The following LMAN1 variants were observed in gnomAD, a reference collection of about 807,000 sequenced individuals.
LMAN1 encodes protein ERGIC-53.
In LMAN1, 32 loss-of-function variants were observed where a neutral mutation model predicts 67.8. The ratio of observed to expected loss-of-function variants is 0.47; its 90% CI spans 0.36 to 0.63. The LOEUF is 0.63. Ranked by LOEUF, LMAN1 falls within the 30% of genes least tolerant of loss-of-function variation. The probability of loss-of-function intolerance (pLI) is 0.00; values close to 1 mark genes in which losing one functional copy is unlikely to be tolerated. For missense variants in LMAN1, 632 were observed against 628.2 expected (o/e 1.01, Z -0.06); for synonymous variants, 235 against 219.3 (o/e 1.07, Z -0.63).
At chr18:59,358,760 G>C (rs1908721461) in intron 1 of LMAN1, among the ~76,000 whole-genome samples, 1 of 152,158 alleles carries the variant, frequency 6.6e-6, no homozygotes, top group African/African-American at 2.4e-5. Flanking sequence ...AGATCCAACG[G>C]AAAGTACCGA....
In LMAN1 at chr18:59,355,320, T is replaced by C; in HGVS notation, c.470A>G (p.Asp157Gly). 6.2e-7 allele frequency: 1 copy of C among 1,609,996 alleles called. No homozygotes were observed. The change falls in exon 3 of 13, where the codon GAT becomes GGT. Residue 157 changes from aspartate (D) to glycine (G), a missense_variant. By Grantham distance (94) the Asp-to-Gly change is moderately conservative. Transcript: ENST00000251047. ...VGIFFDSFDN[D>G]GKKNNPAIVI... ...TCCTGACAATAAATATACCTTTCCATCATTGTCAAAAGAATCAAAAAATAT... is the reference window on the plus strand; with the variant it reads ...TCCTGACAATAAATATACCTTTCCACCATTGTCAAAAGAATCAAAAAATAT...
chr18:59,333,524 A>C, intron 10 of LMAN1: 1 of 339,742 alleles, frequency 2.9e-6, no homozygotes, highest in South Asian at 3.3e-5. Context: ...TGGATATTGA[A>C]TATAATGGAT....
intron 5 of LMAN1, among the ~76,000 whole-genome samples, chr18:59,352,397 C>T (rs1908562960): frequency 6.6e-6 from 1 of 152,176 alleles, no homozygotes; most frequent in Non-Finnish European, 1.5e-5. Flanking sequence ...TTCTAAATTG[C>T]AAATCTGATA....
chr18:59,340,433 CA>C (rs1193759682), intron 8 of LMAN1, among the ~76,000 whole-genome samples: 1 of 151,900 alleles, frequency 6.6e-6, no homozygotes, highest in Admixed American at 6.6e-5. Flanking sequence ...AGATTAACAG[CA>C]GACTTTTCAG....
At chr18:59,332,469 C>G (rs1395551216) in intron 11 of LMAN1, among the ~76,000 whole-genome samples, 1 of 152,092 alleles carries the variant, frequency 6.6e-6, no homozygotes, top group Non-Finnish European at 1.5e-5. Flanking sequence ...TAGCTACTGA[C>G]CTTGGGAGAG....
intron 10 of LMAN1, 45 bp downstream of exon 10, chr18:59,338,512 T>A: frequency 5.3e-6 from 8 of 1,508,382 alleles, no homozygotes; most frequent in Non-Finnish European, 7.3e-6. Flanking sequence ...AAATTTAGGA[T>A]AAAAAAAATC....
chr18:59,356,707 A>T (rs1254956182), intron 1 of LMAN1, among the ~76,000 whole-genome samples: 1 of 152,238 alleles, frequency 6.6e-6, no homozygotes, highest in African/African-American at 2.4e-5. Flanking sequence ...TGAACACAGA[A>T]TCAGAAGACC....
chr18:59,344,051 C>T (rs1908346189), intron 8 of LMAN1, among the ~76,000 whole-genome samples: 1 of 152,090 alleles, frequency 6.6e-6, no homozygotes, highest in Non-Finnish European at 1.5e-5. Flanking sequence ...TGCTCAACAT[C>T]ACTAATCATC....
intron 5 of LMAN1, among the ~76,000 whole-genome samples, chr18:59,352,142 A>G (rs540302070): frequency 7.9e-5 from 12 of 152,214 alleles, no homozygotes; most frequent in Non-Finnish European, 1.2e-4. Context: ...TGCCAGTTAG[A>G]TATCTCCACC....
chr18:59,351,629 T>C (rs1908544893), intron 5 of LMAN1: 1 of 152,232 alleles, frequency 6.6e-6, no homozygotes, highest in Non-Finnish European at 1.5e-5. Context: ...AAATCTTTAA[T>C]GTGCTAATAT....
chr18:59,341,109 CAAAG>C (rs1603394557), intron 8 of LMAN1, among the ~76,000 whole-genome samples: 1 of 151,684 alleles, frequency 6.6e-6, no homozygotes, highest in East Asian at 1.9e-4. Context: ...AAAGAAAAGA[CAAAG>C]AAGGTTATTA....
rs1008763097 is a variant in LMAN1 at position 59,345,232 on chromosome 18, C to T, written c.955+687G>A. On this transcript the variant is annotated intron_variant, in intron 8 of 12. Transcript: ENST00000251047. ...TGCTAGCCACAGCCTTTATTAAGTA[C>T]ACCTTTGATCACTTATGCTGACTGG... Among the ~76,000 whole-genome samples, 6 of 152,170 alleles carry T rather than the reference C, an allele frequency of 3.9e-5. No homozygotes were observed. In the South Asian group the frequency reaches 8.3e-4, roughly 21 times the overall value.
chr18:59,334,962 T>C (rs1483154686), intron 10 of LMAN1, among the ~76,000 whole-genome samples: 2 of 152,172 alleles, frequency 1.3e-5, no homozygotes, highest in Non-Finnish European at 2.9e-5. Flanking sequence ...AGTGGGAGTT[T>C]GCAAGGATTG....
chr18:59,354,692 A>T (rs1908620160), intron 3 of LMAN1, 112 bp from the exon 4 acceptor site: 11 of 584,068 alleles, frequency 1.9e-5, no homozygotes, highest in Non-Finnish European at 3.3e-5. Flanking sequence ...TCAAAATTTT[A>T]AAATAACCTG....
At chr18:59,350,080 C>T (rs1908507485) in intron 5 of LMAN1, among the ~76,000 whole-genome samples, 1 of 152,116 alleles carries the variant, frequency 6.6e-6, no homozygotes, top group African/African-American at 2.4e-5. Flanking sequence ...GATTCAGTCA[C>T]ACAGGCAAAA....
Position 59,327,908 on chromosome 18 carries a change from T to A in LMAN1, c.*3185A>T, listed in dbSNP as rs1453968783. On this transcript the variant is annotated 3_prime_UTR_variant, in exon 13 of 13. Transcript: ENST00000251047. ...ATCAAATAATCAGGAAAAAAAAAAC[T>A]TGACAAAATGTTATCCAATTGAAAT... The A allele has an allele frequency of 6.6e-6, 1 of 152,242 alleles. No homozygotes were observed. Among genetic ancestry groups the A allele is most frequent in the Non-Finnish European group, 1.5e-5 (1 of 68,008 alleles). 9.4% of individuals were successfully genotyped at this position (152,242 alleles called of 1,614,324 possible). A position where few individuals can be genotyped will look rare whatever the true frequency, so the allele number is the denominator to read the frequency against.
intron 8 of LMAN1, among the ~76,000 whole-genome samples, chr18:59,344,615 T>C (rs896120499): frequency 2.0e-5 from 3 of 151,496 alleles, no homozygotes; most frequent in Non-Finnish European, 4.4e-5. Flanking sequence ...TGGGTACACA[T>C]GGACAAATGG....
intron 10 of LMAN1, among the ~76,000 whole-genome samples, chr18:59,337,672 A>G (rs1004311735): frequency 3.9e-5 from 6 of 152,386 alleles, no homozygotes; most frequent in African/African-American, 7.2e-5. Context: ...TTGAAGAGCT[A>G]AACTATTCAT....
At chr18:59,347,226 G>T (rs572628132) in intron 7 of LMAN1, among the ~76,000 whole-genome samples, 6 of 147,642 alleles carry the variant, frequency 4.1e-5, no homozygotes, top group Non-Finnish European at 8.9e-5. Flanking sequence ...CCGAGTAGCT[G>T]GAACTACAGG....
Sources: allele counts gnomAD v4.1 joint callset (sites outside exome capture counted in the v4.1 genomes callset), GRCh38; gene constraint gnomAD v4.1.1; transcripts MANE v1.5; gene names NCBI Gene and HGNC (gene_info 2026-07-23, HGNC 2026-07-21).